IRF4: variants seen among roughly 807,000 people sequenced by gnomAD.
IRF4 encodes lymphocyte-specific interferon regulatory factor.
Under a neutral mutation model 55.5 loss-of-function variants are expected in IRF4, and 13 were observed. The ratio of observed to expected loss-of-function variants is 0.23; its 90% CI spans 0.15 to 0.37. The LOEUF (loss-of-function observed/expected upper bound fraction) is 0.37. IRF4 is among the 10% of genes least tolerant of loss of function. The pLI, the probability that IRF4 is intolerant of heterozygous loss-of-function variation, is 1.00. For missense variants in IRF4, 397 were observed against 593.8 expected (o/e 0.67, Z 3.44); for synonymous variants, 249 against 240.7 (o/e 1.03, Z -0.32).
Position 393,816 on chromosome 6 carries a change from T to C in IRF4, c.216+448T>C, listed in dbSNP as rs1180653765. On this transcript the variant is annotated intron_variant, in intron 2 of 8. Transcript: ENST00000380956. This position sits in a 1 kb window ranked among gnomAD's most constrained non-coding sequence, Gnocchi z 5.4. ...TCTCTCACCGCGTCTCTGTTTCTCTTTTCGCTGCTTTTCTCTCTGAGTCTC... is the reference window on the plus strand; with the variant it reads ...TCTCTCACCGCGTCTCTGTTTCTCTCTTCGCTGCTTTTCTCTCTGAGTCTC... Among the ~76,000 whole-genome samples the C allele has an allele frequency of 6.7e-6, 1 of 150,028 alleles. No homozygotes were observed. Among genetic ancestry groups the C allele is most frequent in the Non-Finnish European group, 1.5e-5 (1 of 68,000 alleles).
chr6:404,096 C>T (rs1761478279), intron 7 of IRF4, among the ~76,000 whole-genome samples: 1 of 152,176 alleles, frequency 6.6e-6, no homozygotes, highest in African/African-American at 2.4e-5. Context: ...AGGGCCCGGC[C>T]CGAGGGTGTG....
intron 6 of IRF4, among the ~76,000 whole-genome samples, chr6:400,914 C>T (rs1761379599): frequency 6.6e-6 from 1 of 152,042 alleles, no homozygotes; most frequent in Admixed American, 6.6e-5. Context: ...ATATTTTTTG[C>T]TAGTATAAAT....
chr6:397,154 A>G lies in IRF4; in HGVS notation c.539A>G (p.Asp180Gly), dbSNP rs778403209. 5.0e-6 allele frequency: 8 copies of G among 1,614,252 alleles called. No homozygotes were observed. Residue 180 changes from aspartate to glycine, a missense_variant, in exon 5 of 9, where the codon GAC becomes GGC. Physicochemically the swap from Asp to Gly is moderately conservative, Grantham distance 94 (BLOSUM62 -1). Transcript: ENST00000380956. The stretch of plus-strand genomic sequence containing the variant: ...CCACCCCTCGACCGAAGCTGGAGGG[A>G]CTACGTCCCGGATCAGCCACACCCG... The part of the protein sequence containing the change: ...MMPPLDRSWR[D>G]YVPDQPHPEI...
intron 2 of IRF4, among the ~76,000 whole-genome samples, chr6:394,508 CT>C (rs1761204828): frequency 6.6e-6 from 1 of 152,156 alleles, no homozygotes; most frequent in African/African-American, 2.4e-5. Context: ...TGGCTCACAC[CT>C]GTAATCCCAG....
intron 4 of IRF4, among the ~76,000 whole-genome samples, chr6:396,308 G>T (rs563617147): frequency 3.9e-4 from 59 of 152,340 alleles, no homozygotes; most frequent in African/African-American, 1.3e-3. Flanking sequence ...CCACTTTGGT[G>T]GGTAAAAGAA....
At position 411,066 on chromosome 6, in the gene IRF4, G is replaced by A. The variant is rs575226556; in HGVS notation, c.*3468G>A. 7.7e-5 allele frequency: 18 copies of A among 233,374 alleles called. No homozygotes were observed. The highest frequency in any genetic ancestry group is 3.3e-4 in the African/African-American group (15 of 45,428). The allele number at this position is 233,374 out of a possible 1,614,324, so 14.5% of individuals were successfully genotyped here. ...GAAATGTAGCTGAAGTAGAGGGGAC[G>A]TGAGAGAAGGGCCAGGCCGGCAGGC... is the stretch of plus-strand genomic sequence containing the variant. On this transcript the variant is annotated 3_prime_UTR_variant, in exon 9 of 9. Coordinates refer to ENST00000380956, the MANE Select transcript of IRF4 (RefSeq NM_002460.4).
chr6:400,309 C>T (rs1761364157), intron 6 of IRF4, among the ~76,000 whole-genome samples: 2 of 152,184 alleles, frequency 1.3e-5, no homozygotes, highest in South Asian at 4.1e-4. Context: ...GTGGCAGCTG[C>T]CTCCTGTCTG....
rs1262147191 is a variant in IRF4 at position 409,521 on chromosome 6, C to T, written c.*1923C>T. Reference sequence around the variant, plus strand: ...TTTGTAGCTAACAGTGAAGATTTACCTCGTTCTGCTCAGAGGCCTTGCTGT... The same window carrying T: ...TTTGTAGCTAACAGTGAAGATTTACTTCGTTCTGCTCAGAGGCCTTGCTGT... On this transcript the variant is annotated 3_prime_UTR_variant, in exon 9 of 9. Coordinates refer to ENST00000380956, the MANE Select transcript of IRF4 (RefSeq NM_002460.4). 3 of 217,264 alleles carry T rather than the reference C, an allele frequency of 1.4e-5. No individual in the cohort carries two copies. The highest frequency in any genetic ancestry group is 2.3e-5 in the African/African-American group (1 of 44,420). 13.5% of individuals were successfully genotyped at this position (217,264 alleles called of 1,614,324 possible).
chr6:397,336 C>A, intron 5 of IRF4, 84 bp downstream of exon 5: 2 of 1,502,182 alleles, frequency 1.3e-6, no homozygotes, highest in Middle Eastern at 1.8e-4. Context: ...CTGTCCTGGG[C>A]AGCACCAAAG....
Position 411,355 on chromosome 6 carries a change from A to C in IRF4, c.*3757A>C, listed in dbSNP as rs972999966. On this transcript the variant is annotated 3_prime_UTR_variant, in exon 9 of 9. Coordinates refer to ENST00000380956, the MANE Select transcript of IRF4 (RefSeq NM_002460.4). ...TATGCTGTCGTTGGTATACATCATG[A>C]ATTTTTATGTAAATTGCTCTGCAAA... 1 of 214,134 alleles carries C rather than the reference A, an allele frequency of 4.7e-6. No homozygotes were observed. The highest frequency in any genetic ancestry group is 2.3e-5 in the African/African-American group (1 of 44,244). 13.3% of individuals were successfully genotyped at this position (214,134 alleles called of 1,614,324 possible).
Position 396,494 on chromosome 6 carries a change from A to G in IRF4, c.492+559A>G, listed in dbSNP as rs183165727. 2.4e-4 allele frequency among the ~76,000 whole-genome samples: 37 copies of G among 152,332 alleles called. No individual in the cohort carries two copies. The East Asian group carries it at 6.4e-3, about 26-fold the overall frequency. ...GATAAAATGCTTCGGCTGTCAGTCT[A>G]ATAAGGGATTCCCTGAGGAGTTTGG... On this transcript the variant is annotated intron_variant, in intron 4 of 8. Coordinates refer to ENST00000380956, the MANE Select transcript of IRF4 (RefSeq NM_002460.4).
At chr6:406,772 A>T (rs1242274526) in intron 8 of IRF4, 1 of 1,192,082 alleles carries the variant, frequency 8.4e-7, no homozygotes, top group Admixed American at 2.9e-5. Flanking sequence ...TCAGGTACTT[A>T]GGAGTTTAGC....
In IRF4 at chr6:407,830, T is replaced by C. The variant is rs905377843; in HGVS notation, c.*232T>C. ...AGACAAGTGATTTTCATTGTAAATA[T>C]TTGACTTTAGTGAAAGCGTCCAATT... is the stretch of plus-strand genomic sequence containing the variant. On this transcript the variant is annotated 3_prime_UTR_variant, in exon 9 of 9. Coordinates refer to ENST00000380956, the MANE Select transcript of IRF4 (RefSeq NM_002460.4). 33 of 485,160 alleles carry C rather than the reference T, an allele frequency of 6.8e-5. No individual in the cohort carries two copies. The highest frequency in any genetic ancestry group is 6.4e-4 in the African/African-American group (32 of 49,750). The allele number at this position is 485,160 out of a possible 1,614,324, so 30.1% of individuals were successfully genotyped here. A position where few individuals can be genotyped will look rare whatever the true frequency, so the allele number is the denominator to read the frequency against.
intron 3 of IRF4, 106 bp from the exon 4 acceptor site, chr6:395,741 T>G (rs1335019219): frequency 1.3e-6 from 1 of 799,680 alleles, no homozygotes; most frequent in Admixed American, 2.3e-5. Context: ...CACCGTGTTA[T>G]GCATTCTAAG....
chr6:406,649 G>T (rs994753354), intron 8 of IRF4: 1 of 256,330 alleles, frequency 3.9e-6, no homozygotes, highest in Admixed American at 6.3e-5. Context: ...GGGAAAGATG[G>T]ATCCCCAGAT....
In IRF4 at chr6:411,171, C is replaced by G. The variant is rs929232388; in HGVS notation, c.*3573C>G. The G allele has an allele frequency of 4.3e-6, 1 of 231,666 alleles. No homozygotes were observed. Among genetic ancestry groups the G allele is most frequent in the Admixed American group, 5.6e-5 (1 of 17,700 alleles). 14.4% of individuals were successfully genotyped at this position (231,666 alleles called of 1,614,324 possible). ...TTAACAGGCAATGGGGTCCACTTCC[C>G]CCTCTTCAGCATCCCCCGTACCCCA... On this transcript the variant is annotated 3_prime_UTR_variant, in exon 9 of 9. Coordinates refer to ENST00000380956, the MANE Select transcript of IRF4 (RefSeq NM_002460.4).
At position 398,856 on chromosome 6, in the gene IRF4, T is replaced by C. The variant is rs1561714257; in HGVS notation, c.666T>C (p.Ala222=). 2 of 1,613,746 alleles carry C rather than the reference T, an allele frequency of 1.2e-6. No individual in the cohort carries two copies. The highest frequency in any genetic ancestry group is 1.7e-6 in the Non-Finnish European group (2 of 1,179,804). ...NGCQVTGTFY[A]CAPPESQAPG... is the part of the protein sequence containing the mutation. ...GCCAGGTGACAGGAACCTTTTATGC[T>C]TGTGCCCCACCTGAGTCCCAGGCTC... Residue 222 remains alanine, a synonymous_variant, in exon 6 of 9, where the codon GCT becomes GCC. Transcript: ENST00000380956.
At chr6:397,801 G>C (rs1240491734) in intron 5 of IRF4, among the ~76,000 whole-genome samples, 1 of 152,194 alleles carries the variant, frequency 6.6e-6, no homozygotes, top group Non-Finnish European at 1.5e-5. Flanking sequence ...ACATCAAAAT[G>C]AGCTCCCTCA....
At chr6:394,029 T>C (rs72838755) in intron 2 of IRF4, among the ~76,000 whole-genome samples, 5,580 of 152,270 alleles carry the variant, frequency 0.037, 319 homozygotes, top group African/African-American at 0.12. Context: ...ACGTGTGTCG[T>C]TGTTACGATT....
Sources: allele counts gnomAD v4.1 joint callset (sites outside exome capture counted in the v4.1 genomes callset), GRCh38; gene constraint gnomAD v4.1.1; non-coding constraint Gnocchi (gnomAD v3.1); transcripts MANE v1.5; gene names NCBI Gene and HGNC (gene_info 2026-07-23, HGNC 2026-07-21).